DNAAF9: variants seen among roughly 807,000 people sequenced by gnomAD.
DNAAF9 encodes dynein axonemal assembly factor 9.
In DNAAF9, 90 loss-of-function variants were observed where a neutral mutation model predicts 167.0. That is an observed-to-expected ratio of 0.54 (90% CI 0.45 to 0.64). The LOEUF is 0.64. Among genes scored for constraint, DNAAF9 ranks in the 30% least tolerant of loss-of-function variants. The pLI is 0.00. For synonymous variants in DNAAF9, 491 were observed against 508.8 expected (o/e 0.96, Z 0.47); for missense variants, 1,315 against 1,442.2 (o/e 0.91, Z 1.43).
chr20:3,362,261 C>T (rs1190664021), intron 6 of DNAAF9: 26 of 1,331,722 alleles, frequency 2.0e-5, no homozygotes, highest in Non-Finnish European at 2.6e-5. Flanking sequence ...TGGCTTTCTT[C>T]GAGTTCTTCC....
At position 3,296,734 on chromosome 20, in the gene DNAAF9, T is replaced by C. The variant is rs537200173; in HGVS notation, c.2018+127A>G. ...ACCGGCTACCTGCAAGTTGGCAGCA[T>C]TGAAATGTCTGTGTTGACCCTTTCA... On this transcript the variant is annotated intron_variant, in intron 23 of 36. Coordinates refer to ENST00000252032, the MANE Select transcript of DNAAF9 (RefSeq NM_001009984.3). 4.0e-5 allele frequency: 27 copies of C among 673,804 alleles called. No homozygotes were observed. In the East Asian group the frequency reaches 6.1e-4, roughly 15 times the overall value. 41.7% of individuals were successfully genotyped at this position (673,804 alleles called of 1,614,324 possible).
chr20:3,270,670 C>G, intron 29 of DNAAF9, 108 bp from the exon 30 acceptor site: 1 of 893,204 alleles, frequency 1.1e-6, no homozygotes, highest in Non-Finnish European at 1.8e-6. Flanking sequence ...TTCCAGTAGT[C>G]TCCTGATGGA....
chr20:3,375,192 C>G, intron 4 of DNAAF9, 66 bp from the exon 5 acceptor site: 1 of 1,019,150 alleles, frequency 9.8e-7, no homozygotes, highest in Non-Finnish European at 1.5e-6. Context: ...CATATTTTCT[C>G]TGCATTTTGT....
At chr20:3,330,391 C>T (rs200613222) in intron 12 of DNAAF9, among the ~76,000 whole-genome samples, 5 of 151,912 alleles carry the variant, frequency 3.3e-5, no homozygotes, top group Non-Finnish European at 5.9e-5. Flanking sequence ...CACAGGTGTG[C>T]ACCACTATGC....
At chr20:3,358,475 G>C (rs1480789730) in intron 7 of DNAAF9, among the ~76,000 whole-genome samples, 1 of 151,946 alleles carries the variant, frequency 6.6e-6, no homozygotes, top group Non-Finnish European at 1.5e-5. Flanking sequence ...GTAGAAATGG[G>C]GTTTCACCAT....
chr20:3,391,513 T>C (rs1399832256), intron 1 of DNAAF9, among the ~76,000 whole-genome samples: 2 of 151,968 alleles, frequency 1.3e-5, no homozygotes, highest in Non-Finnish European at 2.9e-5. Context: ...AAGTCATCAT[T>C]GATCCTCACC....
intron 30 of DNAAF9, among the ~76,000 whole-genome samples, chr20:3,268,915 T>TTTTTTTTTTTTTTA (rs2068538743): frequency 7.0e-6 from 1 of 141,962 alleles, no homozygotes; most frequent in Non-Finnish European, 1.5e-5. Flanking sequence ...TTTTTTTTTT[T>TTTTTTTTTTTTTTA]TTTTTTGAGA....
rs1490465663 is a variant in DNAAF9, at chr20:3,376,207, G to T, written c.379C>A (p.Leu127Met). Residue 127 changes from leucine to methionine, a missense_variant, in exon 4 of 37, where the codon CTG (leucine) becomes ATG (methionine). Coordinates refer to ENST00000252032, the MANE Select transcript of DNAAF9 (RefSeq NM_001009984.3). ...TTTTCGGTCATGCAGTGGAAATGCA[G>T]ATTTCTCCAATGTGCCACATAAGGT... ...LLPYVAHWRN[L>M]HFHCMTENEY... is the part of the protein sequence containing the mutation. 1 of 1,613,818 alleles carries T rather than the reference G, an allele frequency of 6.2e-7. No individual in the cohort carries two copies. The highest frequency in any genetic ancestry group is 1.7e-5 in the Admixed American group (1 of 59,966).
rs532049584 is a variant in DNAAF9 at position 3,368,183 on chromosome 20, C to G, written c.612+5865G>C. 2.6e-5 allele frequency among the ~76,000 whole-genome samples: 4 copies of G among 152,270 alleles called. No individual in the cohort carries two copies. The East Asian group carries it at 5.8e-4, about 22-fold the overall frequency. Reference sequence around the variant, plus strand: ...GGACGGTTCTTTCCTCTTTAGTACTCTAACTGCTTTGGTCCCCGCAGACTC... The same window carrying G: ...GGACGGTTCTTTCCTCTTTAGTACTGTAACTGCTTTGGTCCCCGCAGACTC... On this transcript the variant is annotated intron_variant, in intron 6 of 36. Transcript: ENST00000252032.
intron 16 of DNAAF9, among the ~76,000 whole-genome samples, chr20:3,319,363 G>T (rs938047950): frequency 6.8e-6 from 1 of 146,382 alleles, no homozygotes; most frequent in South Asian, 2.2e-4. Flanking sequence ...AACAAAATTA[G>T]AACAACTCAG....
chr20:3,404,957 C>T lies in DNAAF9; in HGVS notation c.83+2518G>A, dbSNP rs567613906. Among the ~76,000 whole-genome samples, 17 of 152,230 alleles carry T rather than the reference C, an allele frequency of 1.1e-4. 1 individual carries two copies. In the South Asian group the frequency reaches 2.3e-3, roughly 20 times the overall value. On this transcript the variant is annotated intron_variant, in intron 1 of 36. Transcript: ENST00000252032. Reference sequence around the variant, plus strand: ...GGTCACCTGGAAGCTAGCTCTGGGGCCTTGACTGATGGGTGGCTGCCATTT... The same window carrying T: ...GGTCACCTGGAAGCTAGCTCTGGGGTCTTGACTGATGGGTGGCTGCCATTT...
chr20:3,265,576 GAA>G (rs1228259726), intron 30 of DNAAF9, among the ~76,000 whole-genome samples: 4 of 33,888 alleles, frequency 1.2e-4, no homozygotes, highest in Admixed American at 6.0e-4. Context: ...CTCTGTCTCA[GAA>G]AAAAAAAAAA....
chr20:3,312,735 T>C (rs1344895308), intron 20 of DNAAF9, among the ~76,000 whole-genome samples: 1 of 152,142 alleles, frequency 6.6e-6, no homozygotes, highest in Non-Finnish European at 1.5e-5. Context: ...CCACAAATGG[T>C]ACAAACTTCA....
intron 8 of DNAAF9, among the ~76,000 whole-genome samples, chr20:3,345,460 G>A (rs182021842): frequency 7.0e-4 from 107 of 152,254 alleles, no homozygotes; most frequent in African/African-American, 2.5e-3. Flanking sequence ...AGATACAAAA[G>A]TTAATTTACT....
intron 1 of DNAAF9, among the ~76,000 whole-genome samples, chr20:3,397,502 T>C (rs925275485): frequency 6.6e-6 from 1 of 152,034 alleles, no homozygotes; most frequent in Non-Finnish European, 1.5e-5. Context: ...GTATTTTTAG[T>C]AGAGATAGGG....
chr20:3,350,413 G>A (rs2070299318), intron 7 of DNAAF9, among the ~76,000 whole-genome samples: 1 of 152,068 alleles, frequency 6.6e-6, no homozygotes, highest in African/African-American at 2.4e-5. Flanking sequence ...AAAAAAATGT[G>A]TGTGTGTATA....
chr20:3,306,073 A>G (rs973472201), intron 20 of DNAAF9, among the ~76,000 whole-genome samples: 9 of 151,998 alleles, frequency 5.9e-5, no homozygotes, highest in African/African-American at 2.2e-4. Flanking sequence ...GCTCACACCT[A>G]CTGCCCTCCT....
intron 35 of DNAAF9, among the ~76,000 whole-genome samples, chr20:3,254,571 G>T (rs1678644611): frequency 6.6e-6 from 1 of 152,216 alleles, no homozygotes; most frequent in South Asian, 2.1e-4. Flanking sequence ...CACCCAGGTT[G>T]TCCGGGCCTA....
At chr20:3,277,334 A>G (rs2236091) in intron 29 of DNAAF9, among the ~76,000 whole-genome samples, 93,848 of 151,726 alleles carry the variant, frequency 0.62, 29,311 homozygotes, top group East Asian at 0.72. Context: ...CTCAGGCAAC[A>G]CTCTTCCCTG....
Sources: gnomAD v4.1 joint callset for allele counts (sites outside exome capture counted in the v4.1 genomes callset) on GRCh38, gnomAD v4.1.1 for gene constraint, MANE v1.5 for transcripts, NCBI Gene and HGNC (gene_info 2026-07-23, HGNC 2026-07-21) for gene names.